The following NSMAF variants were observed in gnomAD, a reference collection of about 807,000 sequenced individuals.
The protein encoded by NSMAF is protein FAN.
Under a neutral mutation model 134.9 loss-of-function variants are expected in NSMAF, and 90 were observed. The observed-to-expected ratio is 0.67, with a 90% CI of 0.56 to 0.79. The LOEUF is 0.79. Ranked by LOEUF, NSMAF falls within the 30% of genes least tolerant of loss-of-function variation. The pLI is 0.00. For synonymous variants in NSMAF, 358 were observed against 389.6 expected (o/e 0.92, Z 0.96); for missense variants, 1,010 against 1,119.0 (o/e 0.90, Z 1.39).
At chr8:58,595,536 G>T (rs766993890) in intron 22 of NSMAF, 24 bp downstream of exon 22, 4 of 1,526,050 alleles carry the variant, frequency 2.6e-6, no homozygotes, top group Non-Finnish European at 3.6e-6. Context: ...ATCAGCTGCT[G>T]AGAAGAAGCA....
chr8:58,594,366 T>C (rs1806086073), intron 22 of NSMAF, 76 bp from the exon 23 acceptor site: 1 of 1,334,690 alleles, frequency 7.5e-7, no homozygotes, highest in African/African-American at 1.4e-5. Flanking sequence ...ATCCTTGATT[T>C]AATTTTACCA....
At chr8:58,623,859 A>C in intron 6 of NSMAF, 79 bp from the exon 7 acceptor site, 14 of 1,098,656 alleles carry the variant, frequency 1.3e-5, no homozygotes, top group Non-Finnish European at 1.8e-5. Flanking sequence ...ACATGTGTAC[A>C]GAACCTGCTA....
intron 17 of NSMAF, 46 bp downstream of exon 17, chr8:58,599,924 T>TA (rs1313273507): frequency 3.7e-6 from 6 of 1,613,190 alleles, no homozygotes; most frequent in Non-Finnish European, 5.1e-6. Flanking sequence ...TTAAAGCAGT[T>TA]AGAAACCCCA....
intron 23 of NSMAF, among the ~76,000 whole-genome samples, chr8:58,591,222 A>G (rs1806014429): frequency 6.6e-6 from 1 of 152,190 alleles, no homozygotes; most frequent in African/African-American, 2.4e-5. Flanking sequence ...GAAATGTGGT[A>G]GCTGGTATAT....
intron 1 of NSMAF, among the ~76,000 whole-genome samples, chr8:58,651,758 G>A (rs762679329): frequency 2.0e-5 from 3 of 152,178 alleles, no homozygotes; most frequent in South Asian, 2.1e-4. Flanking sequence ...GTTATCTAGC[G>A]CAGCGCTTCA....
intron 9 of NSMAF, among the ~76,000 whole-genome samples, chr8:58,610,353 C>A (rs943364786): frequency 2.0e-5 from 3 of 152,064 alleles, no homozygotes; most frequent in East Asian, 1.9e-4. Flanking sequence ...GGAAAACAAC[C>A]AAATCATCAA....
rs571118181 is a variant in NSMAF at position 58,638,752 on chromosome 8, T to C, written c.150-3206A>G. On this transcript the variant is annotated intron_variant, in intron 2 of 30. Transcript: ENST00000038176. The stretch of plus-strand genomic sequence containing the variant: ...GATGACTCCAAAAGCACAGGCAATA[T>C]AAGCAAAAATAGACAAATGGGATTA... 2.0e-5 allele frequency among the ~76,000 whole-genome samples: 3 copies of C among 152,220 alleles called. No homozygotes were observed. The South Asian group carries it at 6.2e-4, about 32-fold the overall frequency.
intron 27 of NSMAF, among the ~76,000 whole-genome samples, chr8:58,587,271 G>A (rs1024963244): frequency 2.6e-5 from 4 of 152,162 alleles, no homozygotes; most frequent in Non-Finnish European, 4.4e-5. Flanking sequence ...CCAGCTTCTG[G>A]ATCAGAAAAC....
chr8:58,634,377 C>T (rs1807123242), intron 5 of NSMAF, among the ~76,000 whole-genome samples: 1 of 152,194 alleles, frequency 6.6e-6, no homozygotes, highest in South Asian at 2.1e-4. Flanking sequence ...CTCTTCCCCT[C>T]CCCATCTGCC....
chr8:58,659,475 C>T, intron 1 of NSMAF, 98 bp downstream of exon 1: 1 of 1,492,760 alleles, frequency 6.7e-7, no homozygotes, highest in African/African-American at 1.5e-5. Flanking sequence ...CGTGCCCGGC[C>T]CCCACGCCGC....
rs756280303 is a variant in NSMAF at position 58,607,763 on chromosome 8, A to T, written c.759+6T>A. ...CATGCCCCAGCACAGCCTCCCAAGG[A>T]CTCACCAGAGGCATGAGGCCGTGCC... On this transcript the variant is annotated splice_donor_region_variant and intron_variant, in intron 11 of 30. Transcript: ENST00000038176. 5 of 1,611,572 alleles carry T rather than the reference A, an allele frequency of 3.1e-6. No individual in the cohort carries two copies. In the South Asian group the frequency reaches 5.5e-5, roughly 18 times the overall value.
chr8:58,585,979 G>C lies in NSMAF; in HGVS notation c.2468C>G (p.Thr823Arg), dbSNP rs1235171114. 1 of 1,613,810 alleles carries C rather than the reference G, an allele frequency of 6.2e-7. No individual in the cohort carries two copies. The highest frequency in any genetic ancestry group is 8.5e-7 in the Non-Finnish European group (1 of 1,179,906). ...FSPDSRHVLSTGTDGCLNVID... is the reference protein window; with the variant it reads ...FSPDSRHVLSRGTDGCLNVID... ...GACATTAAGACAGCCATCTGTTCCTGTGCTGAGGACATGGCGACTATCTGC... is the reference window on the plus strand; with the variant it reads ...GACATTAAGACAGCCATCTGTTCCTCTGCTGAGGACATGGCGACTATCTGC... The change falls in exon 29 of 31, where the codon ACA (threonine) becomes AGA (arginine). Residue 823 changes from threonine (T) to arginine (R), a missense_variant. Transcript: ENST00000038176.
At chr8:58,604,847 G>A (rs569287793) in intron 12 of NSMAF, among the ~76,000 whole-genome samples, 7 of 152,014 alleles carry the variant, frequency 4.6e-5, no homozygotes, top group Non-Finnish European at 8.8e-5. Flanking sequence ...AGGCTCAAGC[G>A]ATCCTCCCAC....
chr8:58,606,135 G>T, intron 11 of NSMAF, 100 bp from the exon 12 acceptor site: 1 of 1,055,352 alleles, frequency 9.5e-7, no homozygotes, highest in Non-Finnish European at 1.3e-6. Context: ...TTAAACATTT[G>T]TGTTTATTTT....
intron 1 of NSMAF, among the ~76,000 whole-genome samples, chr8:58,657,905 C>G (rs1807756502): frequency 6.6e-6 from 1 of 152,200 alleles, no homozygotes; most frequent in African/African-American, 2.4e-5. Flanking sequence ...TCAATGAATT[C>G]TAACAAAGCA....
chr8:58,649,777 TA>T (rs1807542388), intron 1 of NSMAF, among the ~76,000 whole-genome samples: 1 of 152,124 alleles, frequency 6.6e-6, no homozygotes, highest in African/African-American at 2.4e-5. Flanking sequence ...CCACCATGAG[TA>T]AAAGCTCCCT....
chr8:58,624,035 A>ATTTTTTTTT (rs11431046), intron 6 of NSMAF, among the ~76,000 whole-genome samples: 3 of 99,098 alleles, frequency 3.0e-5, no homozygotes, highest in African/African-American at 4.1e-5. Context: ...TAGAGTTAGG[A>ATTTTTTTTT]TTTTTTTTTT....
Position 58,605,800 on chromosome 8 carries a change from A to G in NSMAF, c.868+127T>C, listed in dbSNP as rs1454310145. 6 of 1,044,254 alleles carry G rather than the reference A, an allele frequency of 5.7e-6. No individual in the cohort carries two copies. In the Admixed American group the frequency reaches 2.1e-4, roughly 37 times the overall value. The allele number at this position is 1,044,254 out of a possible 1,614,324, so 64.7% of individuals were successfully genotyped here. On this transcript the variant is annotated intron_variant, in intron 12 of 30. Coordinates refer to ENST00000038176, the MANE Select transcript of NSMAF (RefSeq NM_003580.4). ...GAGGCTGAGGCACAAGAATCACTTG[A>G]ACCCAGGAGGCGGAGGTTGCAGTGA...
At chr8:58,584,454 T>C (rs1005132498) in intron 30 of NSMAF, among the ~76,000 whole-genome samples, 1 of 152,172 alleles carries the variant, frequency 6.6e-6, no homozygotes, top group Non-Finnish European at 1.5e-5. Flanking sequence ...ATTATGGATA[T>C]AGAACAATGC....
Sources: gnomAD v4.1 joint callset for allele counts (sites outside exome capture counted in the v4.1 genomes callset) on GRCh38, gnomAD v4.1.1 for gene constraint, MANE v1.5 for transcripts, NCBI Gene and HGNC (gene_info 2026-07-23, HGNC 2026-07-21) for gene names.